The following CHD5 variants were observed in gnomAD, a reference collection of about 807,000 sequenced individuals.
CHD5 encodes chromodomain helicase DNA binding protein 5.
Under a neutral mutation model 230.3 loss-of-function variants are expected in CHD5, and 69 were observed. That is an observed-to-expected ratio of 0.30 (90% confidence interval 0.25 to 0.37). CHD5 has a LOEUF of 0.37. Ranked by LOEUF, CHD5 falls within the 10% of genes least tolerant of loss-of-function variation. The pLI, the probability that CHD5 is intolerant of heterozygous loss-of-function variation, is 1.00. For synonymous variants in CHD5, 1,064 were observed against 1,065.9 expected (o/e 1.00, Z 0.03); for missense variants, 1,827 against 2,622.8 (o/e 0.70, Z 6.63).
At position 6,155,007 on chromosome 1, in the gene CHD5, GC is replaced by G. The variant is rs1667059606; in HGVS notation, c.507-110del. On this transcript the variant is annotated intron_variant, in intron 4 of 41. Transcript: ENST00000262450. This position sits in a 1 kb window ranked among gnomAD's most constrained non-coding sequence, Gnocchi z 4.0. ...GCCACATGTGCGATCTATGGCAGCA[GC>G]CCCAGGTTCCTGATTAGAGAGATTA... is the stretch of plus-strand genomic sequence containing the variant. 1.0e-6 allele frequency: 1 copy of G among 985,746 alleles called. No individual in the cohort carries two copies. Among genetic ancestry groups the G allele is most frequent in the Non-Finnish European group, 1.5e-6 (1 of 668,154 alleles). 61.1% of individuals were successfully genotyped at this position (985,746 alleles called of 1,614,324 possible). A position where few individuals can be genotyped will look rare whatever the true frequency, so the allele number is the denominator to read the frequency against.
In CHD5 at chr1:6,101,928, G is replaced by C. The variant is rs536300520; in HGVS notation, c.*3546C>G. 1.7e-3 allele frequency: 683 copies of C among 396,948 alleles called. 5 individuals carry two copies. Among genetic ancestry groups the C allele is most frequent in the African/African-American group, 0.014 (637 of 45,560 alleles). 24.6% of individuals were successfully genotyped at this position (396,948 alleles called of 1,614,324 possible). ...ACCAGACAAGCCACGGCTCACAGGG[G>C]AGCCTGGCTTCCAAAGCTGGACCCG... On this transcript the variant is annotated 3_prime_UTR_variant, in exon 42 of 42. Transcript: ENST00000262450.
chr1:6,144,766 G>A (rs1483480610), intron 11 of CHD5, among the ~76,000 whole-genome samples: 1 of 152,212 alleles, frequency 6.6e-6, no homozygotes, highest in Non-Finnish European at 1.5e-5. Flanking sequence ...GTGCTGGAGG[G>A]CCGGGCTGGG....
intron 15 of CHD5, among the ~76,000 whole-genome samples, chr1:6,137,917 A>G (rs1208885900): frequency 6.6e-6 from 1 of 152,080 alleles, no homozygotes; most frequent in Non-Finnish European, 1.5e-5. Context: ...CCTGGTGACC[A>G]CTGTCCCCCT....
intron 33 of CHD5, among the ~76,000 whole-genome samples, chr1:6,117,762 A>G (rs1666399877): frequency 6.6e-6 from 1 of 152,348 alleles, no homozygotes; most frequent in African/African-American, 2.4e-5. Flanking sequence ...CACTAGGGTG[A>G]CTATAATCAA....
In CHD5 at chr1:6,157,685, C is replaced by T. The variant is rs185408827; in HGVS notation, c.387+1651G>A. ...GAGAATTCCTCACATGGGGCCCCCTCTGTGGCTGACCTGCCCCCGTGGACA... is the reference window on the plus strand; with the variant it reads ...GAGAATTCCTCACATGGGGCCCCCTTTGTGGCTGACCTGCCCCCGTGGACA... On this transcript the variant is annotated intron_variant, in intron 3 of 41. Coordinates refer to ENST00000262450, the MANE Select transcript of CHD5 (RefSeq NM_015557.3). 6.7e-4 allele frequency among the ~76,000 whole-genome samples: 102 copies of T among 152,332 alleles called. 1 individual carries two copies. Among genetic ancestry groups the T allele is most frequent in the Non-Finnish European group, 1.1e-3 (77 of 68,032 alleles).
At position 6,166,429 on chromosome 1, in the gene CHD5, C is replaced by T. The variant is rs551450398; in HGVS notation, c.207+1721G>A. Among the ~76,000 whole-genome samples the T allele has an allele frequency of 1.2e-4, 18 of 151,998 alleles. 1 individual carries two copies. Among genetic ancestry groups the T allele is most frequent in the African/African-American group, 4.3e-4 (18 of 41,436 alleles). ...CAAGGCAGGGGCTGGGAGAGAAGGG[C>T]CGGTAGGAGGTGGGTGAGAGGTGCT... On this transcript the variant is annotated intron_variant, in intron 2 of 41. Transcript: ENST00000262450.
At chr1:6,133,276 A>G (rs1666687300) in intron 20 of CHD5, among the ~76,000 whole-genome samples, 1 of 152,166 alleles carries the variant, frequency 6.6e-6, no homozygotes, top group Non-Finnish European at 1.5e-5. Context: ...GTACCGAGGT[A>G]CTGGGGGGAT....
intron 33 of CHD5, among the ~76,000 whole-genome samples, chr1:6,117,497 G>C (rs1165554737): frequency 6.6e-6 from 1 of 152,014 alleles, no homozygotes; most frequent in Non-Finnish European, 1.5e-5. Flanking sequence ...GAATTACTTG[G>C]GCCCAGGACT....
In CHD5 at chr1:6,105,210, G is replaced by A. The variant is rs1017457051; in HGVS notation, c.*264C>T. ...AGTCGTCTGGAAAAGGTGGCGAGGG[G>A]GCACGTCCGGCGTGGTTGTGGGGGC... On this transcript the variant is annotated 3_prime_UTR_variant, in exon 42 of 42. Coordinates refer to ENST00000262450, the MANE Select transcript of CHD5 (RefSeq NM_015557.3). The surrounding 1 kb of genome is among the most constrained non-coding windows in gnomAD (Gnocchi z 4.8). The A allele has an allele frequency of 8.6e-6, 3 of 348,204 alleles. No individual in the cohort carries two copies. The highest frequency in any genetic ancestry group is 4.3e-5 in the African/African-American group (2 of 46,306). 21.6% of individuals were successfully genotyped at this position (348,204 alleles called of 1,614,324 possible). A position where few individuals can be genotyped will look rare whatever the true frequency, so the allele number is the denominator to read the frequency against.
At position 6,146,682 on chromosome 1, in the gene CHD5, A is replaced by G; in HGVS notation, c.1573T>C (p.Trp525Arg). ...GCACTCACCTGTAGCTCCTTCACCC[A>G]GGAGCAATGCCAGTAGGACAGCCCT... ...WAGLSYWHCS[W>R]VKELQLELYH... The change falls in exon 10 of 42, where the codon TGG (tryptophan) becomes CGG (arginine). Residue 525 changes from tryptophan (W) to arginine (R), a missense_variant. By Grantham distance (101) the Trp-to-Arg change is moderately radical. Coordinates refer to ENST00000262450, the MANE Select transcript of CHD5 (RefSeq NM_015557.3). This position sits in a 1 kb window ranked among gnomAD's most constrained non-coding sequence, Gnocchi z 5.1. The G allele has an allele frequency of 6.2e-7, 1 of 1,613,944 alleles. No individual in the cohort carries two copies. Among genetic ancestry groups the G allele is most frequent in the Non-Finnish European group, 8.5e-7 (1 of 1,179,990 alleles).
chr1:6,124,899 CA>C (rs971990335), intron 29 of CHD5, among the ~76,000 whole-genome samples, 200 bp downstream of exon 29: 6 of 152,354 alleles, frequency 3.9e-5, no homozygotes, highest in Admixed American at 1.3e-4. Flanking sequence ...CTGGTTTGGG[CA>C]GGGGCGGATG....
intron 33 of CHD5, among the ~76,000 whole-genome samples, chr1:6,115,137 C>A (rs2100835100): frequency 6.6e-6 from 1 of 152,028 alleles, no homozygotes; most frequent in South Asian, 2.1e-4. Context: ...ACAGTGAAAC[C>A]CTGTCTCTAC....
At position 6,110,278 on chromosome 1, in the gene CHD5, C is replaced by T. The variant is rs985478417; in HGVS notation, c.5382+116G>A. On this transcript the variant is annotated intron_variant, in intron 37 of 41. Transcript: ENST00000262450. ...TGGACATACTGCTGCTTCGTGGCAG[C>T]GTGACCCAGGTACACGGGGAGGGGT... 4.8e-5 allele frequency: 59 copies of T among 1,224,500 alleles called. No homozygotes were observed. In the Middle Eastern group the frequency reaches 5.9e-4, roughly 12 times the overall value. The allele number at this position is 1,224,500 out of a possible 1,614,324, so 75.9% of individuals were successfully genotyped here.
chr1:6,156,204 C>CT (rs1667078926), intron 3 of CHD5, among the ~76,000 whole-genome samples: 1 of 152,158 alleles, frequency 6.6e-6, no homozygotes, highest in African/African-American at 2.4e-5. Context: ...CTGATGAGGC[C>CT]GCAGGGCTCC....
At chr1:6,152,030 C>T (rs1667015666) in intron 6 of CHD5, among the ~76,000 whole-genome samples, 1 of 152,104 alleles carries the variant, frequency 6.6e-6, no homozygotes, top group South Asian at 2.1e-4. Flanking sequence ...ACTACTCCCC[C>T]CGAGAGCAGA....
chr1:6,146,598 C>G lies in CHD5; in HGVS notation c.1590+67G>C, dbSNP rs572678284. The G allele has an allele frequency of 6.5e-7, 1 of 1,544,214 alleles. No homozygotes were observed. Among genetic ancestry groups the G allele is most frequent in the African/African-American group, 1.4e-5 (1 of 73,422 alleles). On this transcript the variant is annotated intron_variant, in intron 10 of 41. Transcript: ENST00000262450. The surrounding 1 kb of genome is among the most constrained non-coding windows in gnomAD (Gnocchi z 5.1). ...CAGAGGCGCTTCAGCCCCTTCCCGC[C>G]AGCCCAGGAGGGTCCAGGGCTCACC...
intron 7 of CHD5, 142 bp downstream of exon 7, chr1:6,150,890 G>T: frequency 9.3e-7 from 1 of 1,076,264 alleles, no homozygotes; most frequent in Non-Finnish European, 1.2e-6. Context: ...ACATGAGGAT[G>T]CCCTCCCCCT....
chr1:6,175,786 C>T (rs548003167), intron 1 of CHD5, among the ~76,000 whole-genome samples: 4 of 137,544 alleles, frequency 2.9e-5, no homozygotes, highest in South Asian at 2.4e-4. Context: ...TGTGGGTCGA[C>T]GGGTAGATGT....
intron 9 of CHD5, among the ~76,000 whole-genome samples, chr1:6,147,192 C>A (rs754157601): frequency 6.6e-6 from 1 of 152,188 alleles, no homozygotes; most frequent in Admixed American, 6.5e-5. Flanking sequence ...GAGGCCCACT[C>A]GGCAAGGGAC....
Sources: allele counts gnomAD v4.1 joint callset (sites outside exome capture counted in the v4.1 genomes callset), GRCh38; gene constraint gnomAD v4.1.1; non-coding constraint Gnocchi (gnomAD v3.1); transcripts MANE v1.5; gene names NCBI Gene and HGNC (gene_info 2026-07-23, HGNC 2026-07-21).